ERVK3-1: variants seen among roughly 807,000 people sequenced by gnomAD.
ERVK3-1 encodes HERV-K(HML6-1).
intron 2 of ERVK3-1, chr19:58,308,944 G>A (rs2051540538): frequency 6.6e-6 from 1 of 152,194 alleles, no homozygotes; most frequent in African/African-American, 2.4e-5. Context: ...AAACCAGTGG[G>A]TGCATTACAG....
At chr19:58,306,663 G>A (rs1342126048) in intron 2 of ERVK3-1, 1 of 152,170 alleles carries the variant, frequency 6.6e-6, no homozygotes, top group African/African-American at 2.4e-5. Context: ...ATGAGAACTG[G>A]CCTGTACTGT....
chr19:58,308,547 G>A (rs2051538482), intron 2 of ERVK3-1, among the ~76,000 whole-genome samples: 1 of 152,180 alleles, frequency 6.6e-6, no homozygotes, highest in Non-Finnish European at 1.5e-5. Context: ...TGATAATCCA[G>A]GATTTAAAAT....
At chr19:58,314,546 G>C (rs2147972286) in intron 3 of ERVK3-1, among the ~76,000 whole-genome samples, 1 of 143,474 alleles carries the variant, frequency 7.0e-6, no homozygotes, top group Admixed American at 7.5e-5. Context: ...AGAATGACGT[G>C]AACCCGGGAG....
At chr19:58,306,108 G>A (rs1274573628) in exon 2 of ERVK3-1, 1 of 152,232 alleles carries the variant, frequency 6.6e-6, no homozygotes, top group Admixed American at 6.5e-5. Flanking sequence ...GACAAGTGGT[G>A]CCCGACCAGG....
exon 4 of ERVK3-1, chr19:58,314,878 G>T (rs529902740): frequency 6.5e-5 from 26 of 398,446 alleles, no homozygotes; most frequent in South Asian, 5.1e-4. Context: ...GACCAACTCA[G>T]TATACCACTG....
At chr19:58,314,395 G>C (rs2051576539) in intron 3 of ERVK3-1, among the ~76,000 whole-genome samples, 1 of 151,906 alleles carries the variant, frequency 6.6e-6, no homozygotes, top group South Asian at 2.1e-4. Flanking sequence ...GGGAGGCCGA[G>C]GCAGGCAGAT....
intron 2 of ERVK3-1, chr19:58,306,728 C>G (rs2051526307): frequency 6.6e-6 from 1 of 152,182 alleles, no homozygotes. Flanking sequence ...CATGCTGTGG[C>G]CATAGCTGGC....
chr19:58,308,976 A>C (rs962636448), intron 2 of ERVK3-1: 4 of 152,242 alleles, frequency 2.6e-5, no homozygotes, highest in East Asian at 1.9e-4. Context: ...ATCCCCGGCA[A>C]CCATTCCAAG....
At chr19:58,314,022 C>A (rs1212878474) in intron 3 of ERVK3-1, among the ~76,000 whole-genome samples, 2 of 152,134 alleles carry the variant, frequency 1.3e-5, no homozygotes, top group African/African-American at 2.4e-5. Context: ...AAAATTAATA[C>A]CGAATTACAA....
chr19:58,314,317 C>T (rs1354623622), intron 3 of ERVK3-1, among the ~76,000 whole-genome samples: 2 of 152,100 alleles, frequency 1.3e-5, no homozygotes, highest in Non-Finnish European at 2.9e-5. Flanking sequence ...AAACAGAATT[C>T]CAGCAGGGCT....
chr19:58,309,505 T>C (rs2051543638), intron 2 of ERVK3-1: 1 of 152,228 alleles, frequency 6.6e-6, no homozygotes, highest in Non-Finnish European at 1.5e-5. Flanking sequence ...ATCAACTCAC[T>C]CATGTTTATC....
At position 58,306,233 on chromosome 19, in the gene ERVK3-1, G is replaced by A. The variant is rs750812563; in HGVS notation, c.-4+17G>A. On this transcript the variant is annotated intron_variant, in intron 2 of 3. Transcript: ENST00000413518. ...GAATATAAGGTCAGTTCCCTGAGAA[G>A]GTATCGGGAGCGGGAGGTTTCTGAA... The A allele has an allele frequency of 6.6e-6, 1 of 152,208 alleles. No homozygotes were observed. Among genetic ancestry groups the A allele is most frequent in the Non-Finnish European group, 1.5e-5 (1 of 68,060 alleles). The allele number at this position is 152,208 out of a possible 1,614,324, so 9.4% of individuals were successfully genotyped here. A position where few individuals can be genotyped will look rare whatever the true frequency, so the allele number is the denominator to read the frequency against.
rs1041609297 is a variant in ERVK3-1, at chr19:58,311,890, G to A, written c.-3-276G>A. On this transcript the variant is annotated intron_variant, in intron 2 of 3. Transcript: ENST00000413518. ...CCCTGAGGGCCAGGCATTATTGAGC[G>A]GGTACATCAAACACTACAACGCATG... 16 of 248,288 alleles carry A rather than the reference G, an allele frequency of 6.4e-5. No homozygotes were observed. The South Asian group carries it at 1.4e-3, about 22-fold the overall frequency. The allele number at this position is 248,288 out of a possible 1,614,324, so 15.4% of individuals were successfully genotyped here.
chr19:58,312,455 C>A lies in ERVK3-1; in HGVS notation c.287C>A (p.Ser96Tyr). Residue 96 changes from serine to tyrosine, a missense_variant, in exon 3 of 4, where the codon TCC (serine) becomes TAC (tyrosine). Physicochemically the swap from Ser to Tyr is moderately radical, Grantham distance 144. Coordinates refer to ENST00000413518, the Ensembl canonical transcript of ERVK3-1. This position sits in a 1 kb window ranked among gnomAD's most constrained non-coding sequence, Gnocchi z 4.7. Reference sequence around the variant, plus strand: ...TTCTTGGCCATGCTAGCTGTAGTGTCCTGTGCGGTATGTTTCCCCTGTGTA... The same window carrying A: ...TTCTTGGCCATGCTAGCTGTAGTGTACTGTGCGGTATGTTTCCCCTGTGTA... 1 of 400,108 alleles carries A rather than the reference C, an allele frequency of 2.5e-6. No homozygotes were observed. The highest frequency in any genetic ancestry group is 1.3e-4 in the South Asian group (1 of 7,852). 24.8% of individuals were successfully genotyped at this position (400,108 alleles called of 1,614,324 possible). A position where few individuals can be genotyped will look rare whatever the true frequency, so the allele number is the denominator to read the frequency against.
rs923698225 is a variant in ERVK3-1 at position 58,310,931 on chromosome 19, G to A, written c.-3-1235G>A. ...TTCCCAAACGCTGGCGTCACCACTA[G>A]ACCAAGGAGCCCTCTGGTGGCCCTG... On this transcript the variant is annotated intron_variant, in intron 2 of 3. Transcript: ENST00000413518. This position sits in a 1 kb window ranked among gnomAD's most constrained non-coding sequence, Gnocchi z 4.7. The A allele has an allele frequency of 7.4e-5, 25 of 339,294 alleles. No homozygotes were observed. Among genetic ancestry groups the A allele is most frequent in the Non-Finnish European group, 1.3e-4 (21 of 164,004 alleles). 21.0% of individuals were successfully genotyped at this position (339,294 alleles called of 1,614,324 possible). A position where few individuals can be genotyped will look rare whatever the true frequency, so the allele number is the denominator to read the frequency against.
intron 2 of ERVK3-1, chr19:58,311,872 G>C (rs2051558643): frequency 4.4e-6 from 1 of 226,904 alleles, no homozygotes; most frequent in Non-Finnish European, 8.5e-6. Flanking sequence ...AATCCCTGAG[G>C]GCCAGGCATT....
At chr19:58,307,673 C>T (rs961348010) in intron 2 of ERVK3-1, among the ~76,000 whole-genome samples, 1 of 150,858 alleles carries the variant, frequency 6.6e-6, no homozygotes, top group Non-Finnish European at 1.5e-5. Context: ...AGGACTTTGC[C>T]CTCGCCGTAA....
At chr19:58,305,414 C>G (rs187690857) in exon 1 of ERVK3-1, 2 of 152,318 alleles carry the variant, frequency 1.3e-5, no homozygotes, top group African/African-American at 4.8e-5. Context: ...GACTATCGGG[C>G]GGCTAGGCTC....
downstream of ERVK3-1, among the ~76,000 whole-genome samples, chr19:58,316,222 C>T (rs1006177031): frequency 1.3e-5 from 2 of 152,156 alleles, no homozygotes; most frequent in South Asian, 2.1e-4. Context: ...ACACCACTAC[C>T]TCCTCATGGT....
Sources: gnomAD v4.1 joint callset for allele counts (sites outside exome capture counted in the v4.1 genomes callset) on GRCh38, gnomAD v4.1.1 for gene constraint, Gnocchi (gnomAD v3.1) non-coding constraint, MANE v1.5 for transcripts, NCBI Gene and HGNC (gene_info 2026-07-23, HGNC 2026-07-21) for gene names.